Variants in THAP1 observed in about 807,000 individuals in gnomAD.
The protein encoded by THAP1 is THAP domain containing 1, also known as THAP domain-containing protein 1.
THAP1 carries 6 observed loss-of-function variants against 18.2 expected under a neutral mutation model. The ratio of observed to expected loss-of-function variants is 0.33; its 90% CI spans 0.18 to 0.65. THAP1 has a LOEUF of 0.65. Among genes scored for constraint, THAP1 ranks in the 30% least tolerant of loss-of-function variants. The probability of loss-of-function intolerance (pLI) is 0.74; values close to 1 mark genes in which losing one functional copy is unlikely to be tolerated. For missense variants in THAP1, 176 were observed against 253.0 expected, an observed-to-expected ratio of 0.70 and a Z score of 2.06; for synonymous variants, 85 against 90.5, an observed-to-expected ratio of 0.94 and a Z score of 0.34.
rs753450906 is a variant in THAP1, at chr8:42,838,024, A to G, written c.580T>C (p.Ser194Pro). 1 of 1,613,772 alleles carries G rather than the reference A, an allele frequency of 6.2e-7. No homozygotes were observed. The highest frequency in any genetic ancestry group is 2.2e-5 in the East Asian group (1 of 44,886). Residue 194 changes from serine to proline, a missense_variant, in exon 3 of 3, where the codon TCA becomes CCA. Ser to Pro is a moderately conservative substitution (Grantham distance 74). Coordinates refer to ENST00000254250, the MANE Select transcript of THAP1 (RefSeq NM_018105.3). Reference protein sequence around the residue: ...VHFQKEKDDVSERGYVILPND... With the variant: ...VHFQKEKDDVPERGYVILPND... ...GGTAGAATCACATAACCTCTTTCTG[A>G]TACGTCGTCTTTCTCTTTCTGGAAG...
At position 42,843,133 on chromosome 8, in the gene THAP1, A is replaced by G; in HGVS notation, c.-39T>C. ...AGGCACTTCACTTCTGCCGCCGCAG[A>G]AGGCAGGGGAAGCTGTTCTCAGTGT... On this transcript the variant is annotated 5_prime_UTR_variant, in exon 1 of 3. Transcript: ENST00000254250. The G allele has an allele frequency of 6.2e-7, 1 of 1,611,692 alleles. No individual in the cohort carries two copies. Among genetic ancestry groups the G allele is most frequent in the Non-Finnish European group, 8.5e-7 (1 of 1,178,158 alleles).
chr8:42,842,289 A>G (rs554000924), intron 1 of THAP1, among the ~76,000 whole-genome samples: 1 of 152,216 alleles, frequency 6.6e-6, no homozygotes, highest in East Asian at 1.9e-4. Context: ...TTTTGATCCT[A>G]TCACTTAACT....
chr8:42,838,696 A>C (rs1802661588), intron 2 of THAP1, among the ~76,000 whole-genome samples: 1 of 152,144 alleles, frequency 6.6e-6, no homozygotes, highest in South Asian at 2.1e-4. Context: ...AAAATAAATA[A>C]ATAAATAAAT....
chr8:42,839,792 G>A (rs771176656), intron 1 of THAP1, among the ~76,000 whole-genome samples: 2 of 152,132 alleles, frequency 1.3e-5, no homozygotes, highest in African/African-American at 2.4e-5. Context: ...TGATCTGCCC[G>A]CCTTGGCCTC....
Position 42,838,321 on chromosome 8 carries a change from C to A in THAP1, c.283G>T (p.Glu95Ter). ...GGTGGGGGAAGCTGTTCCTGTGGCT[C>A]CAGAAGATCTTCTTTCTAAAACAAA... is the stretch of plus-strand genomic sequence containing the variant. ...EPHDKKEDLL[E>*]PQEQLPPPPL... Residue 95 changes from glutamate (E) to a stop codon, truncating the protein, a stop_gained, in exon 3 of 3, where the codon GAG becomes TAG. Transcript: ENST00000254250. LOFTEE classifies it high-confidence loss of function. 6.2e-7 allele frequency: 1 copy of A among 1,613,828 alleles called. No individual in the cohort carries two copies. Among genetic ancestry groups the A allele is most frequent in the Non-Finnish European group, 8.5e-7 (1 of 1,179,884 alleles).
At chr8:42,842,922 C>G (rs1309725574) in intron 1 of THAP1, 102 bp downstream of exon 1, 10 of 965,790 alleles carry the variant, frequency 1.0e-5, no homozygotes, top group African/African-American at 1.8e-5. Flanking sequence ...AGACCCCACC[C>G]GCCCCTCGCG....
At chr8:42,840,495 TAGAA>T (rs1180945119) in intron 1 of THAP1, among the ~76,000 whole-genome samples, 1 of 152,182 alleles carries the variant, frequency 6.6e-6, no homozygotes, top group Non-Finnish European at 1.5e-5. Flanking sequence ...CTGGGGGGAT[TAGAA>T]AGAAAAAGGG....
chr8:42,839,452 CT>C, intron 1 of THAP1, 71 bp from the exon 2 acceptor site: 1 of 1,489,994 alleles, frequency 6.7e-7, no homozygotes, highest in Non-Finnish European at 9.3e-7. Context: ...AACTTTCCAG[CT>C]TAGGAAATAT....
chr8:42,839,903 C>T (rs1358101230), intron 1 of THAP1, among the ~76,000 whole-genome samples: 1 of 152,162 alleles, frequency 6.6e-6, no homozygotes, highest in Non-Finnish European at 1.5e-5. Context: ...AGGTAAAATA[C>T]ATACTATAGA....
In THAP1 at chr8:42,839,216, TG is replaced by T; in HGVS notation, c.236del (p.Thr79LysfsTer41). On this transcript the variant is annotated frameshift_variant, in exon 2 of 3. Transcript: ENST00000254250. LOFTEE classifies it high-confidence loss of function. ...NKLLKENAVP[T>X]IFLCTEPHDK... ...CATGTGGCTCAGTACAAAGAAATAT[TG>T]TGGGCACAGCATTCTCTTTCAGTAA... 1.2e-6 allele frequency: 2 copies of T among 1,614,108 alleles called. No individual in the cohort carries two copies. The highest frequency in any genetic ancestry group is 1.7e-6 in the Non-Finnish European group (2 of 1,180,002).
In THAP1 at chr8:42,837,779, A is replaced by C. The variant is rs1802641744; in HGVS notation, c.*183T>G. ...AAAATATTTTGTTAAAATGTAAAAAACCTGAAATTACAAACAAAAAAATTT... is the reference window on the plus strand; with the variant it reads ...AAAATATTTTGTTAAAATGTAAAAACCCTGAAATTACAAACAAAAAAATTT... On this transcript the variant is annotated 3_prime_UTR_variant, in exon 3 of 3. Transcript: ENST00000254250. 7.9e-6 allele frequency: 4 copies of C among 507,902 alleles called. No individual in the cohort carries two copies. Among genetic ancestry groups the C allele is most frequent in the Non-Finnish European group, 1.2e-5 (4 of 333,202 alleles). The allele number at this position is 507,902 out of a possible 1,614,324, so 31.5% of individuals were successfully genotyped here.
chr8:42,843,193 T>C lies in THAP1; in HGVS notation c.-99A>G. On this transcript the variant is annotated 5_prime_UTR_variant, in exon 1 of 3. Transcript: ENST00000254250. ...CGGTTGGATTCCCTCGCTTCTTTTGTAGCTTTGGCCAACAGTTACAGTGAT... is the reference window on the plus strand; with the variant it reads ...CGGTTGGATTCCCTCGCTTCTTTTGCAGCTTTGGCCAACAGTTACAGTGAT... 2 of 1,475,260 alleles carry C rather than the reference T, an allele frequency of 1.4e-6. No homozygotes were observed. Among genetic ancestry groups the C allele is most frequent in the East Asian group, 4.7e-5 (2 of 43,000 alleles). 91.4% of individuals were successfully genotyped at this position (1,475,260 alleles called of 1,614,324 possible).
intron 2 of THAP1, among the ~76,000 whole-genome samples, 180 bp downstream of exon 2, chr8:42,839,006 G>T (rs1690372927): frequency 6.6e-6 from 1 of 152,190 alleles, no homozygotes; most frequent in South Asian, 2.1e-4. Context: ...AAGTTTCTTA[G>T]TGTGAGGATA....
In THAP1 at chr8:42,837,073, C is replaced by T. The variant is rs910245417; in HGVS notation, c.*889G>A. 2 of 152,150 alleles carry T rather than the reference C, an allele frequency of 1.3e-5. No individual in the cohort carries two copies. Among genetic ancestry groups the T allele is most frequent in the Non-Finnish European group, 2.9e-5 (2 of 68,022 alleles). The allele number at this position is 152,150 out of a possible 1,614,324, so 9.4% of individuals were successfully genotyped here. On this transcript the variant is annotated 3_prime_UTR_variant, in exon 3 of 3. Transcript: ENST00000254250. ...TCAAGTGCAAGATTATCATATGATA[C>T]AAATCAAACTCTACTAACACAGCAC...
intron 1 of THAP1, 109 bp downstream of exon 1, chr8:42,842,915 C>A: frequency 4.6e-6 from 4 of 870,318 alleles, no homozygotes; most frequent in African/African-American, 1.8e-5. Flanking sequence ...CGGCCCCAGA[C>A]CCCACCCGCC....
At position 42,837,737 on chromosome 8, in the gene THAP1, G is replaced by A. The variant is rs1563644164; in HGVS notation, c.*225C>T. On this transcript the variant is annotated 3_prime_UTR_variant, in exon 3 of 3. Coordinates refer to ENST00000254250, the MANE Select transcript of THAP1 (RefSeq NM_018105.3). ...AACCAACTTACATTAGAGGTCTGAG[G>A]TTAGTTTATAACTTTTAAAATATTT... 2 of 331,362 alleles carry A rather than the reference G, an allele frequency of 6.0e-6. No homozygotes were observed. Among genetic ancestry groups the A allele is most frequent in the Non-Finnish European group, 1.0e-5 (2 of 194,478 alleles). The allele number at this position is 331,362 out of a possible 1,614,324, so 20.5% of individuals were successfully genotyped here. A position where few individuals can be genotyped will look rare whatever the true frequency, so the allele number is the denominator to read the frequency against.
chr8:42,840,282 C>T (rs73634659), intron 1 of THAP1, among the ~76,000 whole-genome samples: 11,546 of 152,108 alleles, frequency 0.076, 1,029 homozygotes, highest in African/African-American at 0.22. Context: ...TTTGTATCTG[C>T]GTACTGGGAA....
At chr8:42,840,984 A>AG (rs1214785188) in intron 1 of THAP1, among the ~76,000 whole-genome samples, 1 of 151,400 alleles carries the variant, frequency 6.6e-6, no homozygotes, top group African/African-American at 2.4e-5. Flanking sequence ...AAAAAAAAAA[A>AG]AAAGAAAGAA....
intron 1 of THAP1, among the ~76,000 whole-genome samples, chr8:42,840,134 G>A (rs1258799634): frequency 6.6e-6 from 1 of 152,192 alleles, no homozygotes; most frequent in Non-Finnish European, 1.5e-5. Flanking sequence ...GGTCAAGGCT[G>A]CGGTGAGCTG....
Sources: gnomAD v4.1 joint callset for allele counts (sites outside exome capture counted in the v4.1 genomes callset) on GRCh38, gnomAD v4.1.1 for gene constraint, MANE v1.5 for transcripts, NCBI Gene and HGNC (gene_info 2026-07-23, HGNC 2026-07-21) for gene names.